The following ARHGAP6 variants were observed in gnomAD, a reference collection of about 807,000 sequenced individuals.
The protein encoded by ARHGAP6 is rho GTPase-activating protein 6.
A neutral mutation model predicts 55.7 loss-of-function variants in ARHGAP6; 16 were observed. The observed-to-expected ratio is 0.29, with a 90% CI of 0.19 to 0.44. ARHGAP6 has a LOEUF of 0.44. Among genes scored for constraint, ARHGAP6 ranks in the 20% least tolerant of loss-of-function variants. The probability of loss-of-function intolerance (pLI) is 1.00; values close to 1 mark genes in which losing one functional copy is unlikely to be tolerated. For missense variants in ARHGAP6, 698 were observed against 808.9 expected, an observed-to-expected ratio of 0.86 and a Z score of 1.66; for synonymous variants, 382 against 360.9, an observed-to-expected ratio of 1.06 and a Z score of -0.66.
chrX:11,393,758 G>A (rs2049440821), intron 1 of ARHGAP6, among the ~76,000 whole-genome samples: 1 of 111,616 alleles, frequency 9.0e-6, no homozygotes, highest in Non-Finnish European at 1.9e-5. Context: ...GAGAGGCAGA[G>A]CTAGGATTTC....
chrX:11,354,295 TTCTCTCTCTCTCTCTC>T (rs1206233633), intron 1 of ARHGAP6, among the ~76,000 whole-genome samples: 1 of 41,054 alleles, frequency 2.4e-5, no homozygotes, highest in Non-Finnish European at 4.1e-5. Context: ...CTCTCTCTCT[TTCTCTCTCTCTCTCTC>T]TCTCTCTCTC....
At chrX:11,150,018 A>C (rs2045752554) in intron 10 of ARHGAP6, among the ~76,000 whole-genome samples, 1 of 111,981 alleles carries the variant, frequency 8.9e-6, no homozygotes, top group African/African-American at 3.2e-5. Flanking sequence ...AATGAAATTT[A>C]AATATATATA....
At chrX:11,253,563 T>C (rs1001921354) in intron 2 of ARHGAP6, among the ~76,000 whole-genome samples, 2 of 111,926 alleles carry the variant, frequency 1.8e-5, no homozygotes, top group African/African-American at 6.5e-5. Context: ...AGTTTTTCAT[T>C]CTGCCTCAAA....
intron 1 of ARHGAP6, among the ~76,000 whole-genome samples, chrX:11,286,637 C>T (rs1048629346): frequency 1.3e-4 from 15 of 111,454 alleles, no homozygotes; most frequent in African/African-American, 4.6e-4. Context: ...ATGCGATGTC[C>T]GGAGACACTT....
At chrX:11,610,156 T>C (rs182430634) in intron 1 of ARHGAP6, among the ~76,000 whole-genome samples, 2 of 110,327 alleles carry the variant, frequency 1.8e-5, no homozygotes, top group African/African-American at 6.6e-5. Flanking sequence ...ATACAAAATA[T>C]GCTGTATGAC....
chrX:11,298,723 A>T (rs2048126257), intron 1 of ARHGAP6: 1 of 1,206,762 alleles, frequency 8.3e-7, no homozygotes, highest in Admixed American at 2.2e-5. Flanking sequence ...CCTGGCCAAC[A>T]CTCCATGACT....
chrX:11,292,721 T>C (rs2048015569), intron 1 of ARHGAP6, among the ~76,000 whole-genome samples: 1 of 112,034 alleles, frequency 8.9e-6, no homozygotes, highest in Admixed American at 9.4e-5. Flanking sequence ...TGCCTTGTAG[T>C]ATAGATCATC....
At chrX:11,514,693 T>C (rs776954355) in intron 1 of ARHGAP6, among the ~76,000 whole-genome samples, 2 of 111,679 alleles carry the variant, frequency 1.8e-5, no homozygotes, top group South Asian at 3.8e-4. Flanking sequence ...TCTATTTGAA[T>C]AATTGGAAAC....
intron 1 of ARHGAP6, among the ~76,000 whole-genome samples, chrX:11,257,416 G>T (rs1449236646): frequency 8.9e-6 from 1 of 112,182 alleles, no homozygotes; most frequent in Non-Finnish European, 1.9e-5. Context: ...CTCTGGCTTG[G>T]TGGGATGAAA....
intron 1 of ARHGAP6, among the ~76,000 whole-genome samples, chrX:11,507,049 T>A (rs2050742071): frequency 8.9e-6 from 1 of 112,104 alleles, no homozygotes; most frequent in Non-Finnish European, 1.9e-5. Context: ...TCTCCACTGT[T>A]TTCCCTAAGC....
At chrX:11,642,552 A>G (rs140086056) in intron 1 of ARHGAP6, among the ~76,000 whole-genome samples, 1,852 of 112,133 alleles carry the variant, frequency 0.017, 33 homozygotes, top group African/African-American at 0.056. Context: ...CCATTAACTG[A>G]TGAATGGATC....
At chrX:11,614,370 A>T (rs996201799) in intron 1 of ARHGAP6, among the ~76,000 whole-genome samples, 2 of 111,872 alleles carry the variant, frequency 1.8e-5, no homozygotes, top group Admixed American at 9.5e-5. Context: ...AGCATGGCTG[A>T]GGAGGCCTCA....
chrX:11,517,325 T>C (rs754394955), intron 1 of ARHGAP6, among the ~76,000 whole-genome samples: 1 of 111,799 alleles, frequency 8.9e-6, no homozygotes, highest in African/African-American at 3.2e-5. Flanking sequence ...GATCTAAACA[T>C]CAGGGGGCAG....
intron 2 of ARHGAP6, among the ~76,000 whole-genome samples, chrX:11,250,356 CTG>C (rs920163509): frequency 4.5e-5 from 5 of 112,134 alleles, no homozygotes; most frequent in African/African-American, 1.6e-4. Flanking sequence ...AGTTGAGACT[CTG>C]TGTTGTGGGA....
chrX:11,345,701 A>C (rs927072353), intron 1 of ARHGAP6, among the ~76,000 whole-genome samples: 2 of 112,073 alleles, frequency 1.8e-5, no homozygotes, highest in African/African-American at 6.5e-5. Context: ...CACCTTACGC[A>C]GGCAGGGCAC....
chrX:11,454,614 G>A (rs1239087960), intron 1 of ARHGAP6, among the ~76,000 whole-genome samples: 2 of 111,930 alleles, frequency 1.8e-5, no homozygotes, highest in African/African-American at 6.5e-5. Context: ...TCTTGGAGGT[G>A]ATTAGGTTTA....
intron 1 of ARHGAP6, among the ~76,000 whole-genome samples, chrX:11,581,732 A>G (rs2051668816): frequency 9.0e-6 from 1 of 111,401 alleles, no homozygotes; most frequent in Non-Finnish European, 1.9e-5. Flanking sequence ...ATAGAGACAG[A>G]AAGTAGATGA....
intron 2 of ARHGAP6, among the ~76,000 whole-genome samples, chrX:11,199,136 A>G (rs1164807050): frequency 8.9e-6 from 1 of 111,836 alleles, no homozygotes; most frequent in Non-Finnish European, 1.9e-5. Flanking sequence ...TTTGATTGCT[A>G]TATAGTAGGG....
rs775669932 is a variant in ARHGAP6 at position 11,573,952 on chromosome X, T to C, written c.588+90289A>G. ...TATTTTATTCTCTTTGAAGCAATTG[T>C]GAATGGGAGTTCACTCATGATTTGG... On this transcript the variant is annotated intron_variant, in intron 1 of 12. Transcript: ENST00000337414. Among the ~76,000 whole-genome samples, 14 of 111,721 alleles carry C rather than the reference T, an allele frequency of 1.3e-4. No homozygotes were observed. The East Asian group carries it at 3.1e-3, about 25-fold the overall frequency.
Sources: gnomAD v4.1 joint callset for allele counts (sites outside exome capture counted in the v4.1 genomes callset) on GRCh38, gnomAD v4.1.1 for gene constraint, MANE v1.5 for transcripts, NCBI Gene and HGNC (gene_info 2026-07-23, HGNC 2026-07-21) for gene names.